Variants in PARD3 observed in about 807,000 individuals in gnomAD.
The protein encoded by PARD3 is par-3 family cell polarity regulator, also known as partitioning defective 3 homolog.
PARD3 carries 75 observed loss-of-function variants against 155.4 expected under a neutral mutation model. The ratio of observed to expected loss-of-function variants is 0.48; its 90% CI spans 0.40 to 0.58. The LOEUF (loss-of-function observed/expected upper bound fraction) is 0.58, where lower values mean the gene tolerates loss of function less well. Ranked by LOEUF, PARD3 falls within the 20% of genes least tolerant of loss-of-function variation. PARD3 has a pLI of 0.00. For missense variants in PARD3, 1,642 were observed against 1,721.7 expected (o/e 0.95, Z 0.82); for synonymous variants, 576 against 610.5 (o/e 0.94, Z 0.83).
intron 2 of PARD3, among the ~76,000 whole-genome samples, chr10:34,618,059 T>C (rs906865202): frequency 2.0e-5 from 3 of 152,192 alleles, no homozygotes; most frequent in African/African-American, 7.2e-5. Context: ...GTCAAAACTA[T>C]GACCTTTCTA....
At chr10:34,463,969 C>G (rs1231833805) in intron 4 of PARD3, among the ~76,000 whole-genome samples, 1 of 152,178 alleles carries the variant, frequency 6.6e-6, no homozygotes, top group African/African-American at 2.4e-5. Context: ...TGTAAGTGCA[C>G]TCTATGATGT....
rs184837291 is a variant in PARD3, at chr10:34,791,212, G to A, written c.120+23664C>T. Among the ~76,000 whole-genome samples the A allele has an allele frequency of 5.9e-5, 9 of 152,244 alleles. No homozygotes were observed. In the East Asian group the frequency reaches 1.2e-3, roughly 20 times the overall value. The stretch of plus-strand genomic sequence containing the variant: ...GTGAGAAGCACTGACGCTTGTACCC[G>A]TCACCAACGAGCAGCAGCTACATAG... On this transcript the variant is annotated intron_variant, in intron 1 of 24. Coordinates refer to ENST00000374788, the MANE Select transcript of PARD3 (RefSeq NM_001184785.2).
At chr10:34,529,608 C>A (rs866956378) in intron 2 of PARD3, among the ~76,000 whole-genome samples, 2 of 152,244 alleles carry the variant, frequency 1.3e-5, no homozygotes, top group Middle Eastern at 6.8e-3. Flanking sequence ...AGCCTAGCCA[C>A]TATCATGAAA....
At chr10:34,764,369 T>C (rs966561009) in intron 1 of PARD3, among the ~76,000 whole-genome samples, 5 of 152,188 alleles carry the variant, frequency 3.3e-5, no homozygotes, top group Admixed American at 6.5e-5. Flanking sequence ...GCAATCTCCT[T>C]GAATAAAAAA....
intron 18 of PARD3, among the ~76,000 whole-genome samples, chr10:34,333,838 A>G (rs1188170671): frequency 1.3e-5 from 2 of 152,032 alleles, no homozygotes; most frequent in Non-Finnish European, 2.9e-5. Flanking sequence ...ACACTTTAGT[A>G]CTATATTTGA....
At chr10:34,233,017 A>T (rs1402777714) in intron 22 of PARD3, among the ~76,000 whole-genome samples, 8 of 96,170 alleles carry the variant, frequency 8.3e-5, no homozygotes, top group East Asian at 5.3e-4. Context: ...TCAAATGTTA[A>T]TTTTTTTTTT....
intron 2 of PARD3, among the ~76,000 whole-genome samples, chr10:34,693,074 G>T (rs188954751): frequency 6.6e-6 from 1 of 152,180 alleles, no homozygotes; most frequent in Non-Finnish European, 1.5e-5. Context: ...GAAATTCGAA[G>T]AAAAAAATTA....
At chr10:34,672,480 C>T (rs1393400155) in intron 2 of PARD3, among the ~76,000 whole-genome samples, 1 of 152,126 alleles carries the variant, frequency 6.6e-6, no homozygotes, top group African/African-American at 2.4e-5. Flanking sequence ...CAATATGTAC[C>T]GTGTTTCCTA....
intron 19 of PARD3, among the ~76,000 whole-genome samples, chr10:34,319,136 T>A (rs1426765542): frequency 1.3e-5 from 2 of 148,246 alleles, no homozygotes; most frequent in Non-Finnish European, 3.0e-5. Context: ...GTCACCAGGC[T>A]GGAGTACAGT....
At chr10:34,321,801 G>A (rs899644961) in intron 19 of PARD3, among the ~76,000 whole-genome samples, 6 of 152,100 alleles carry the variant, frequency 3.9e-5, no homozygotes, top group Non-Finnish European at 8.8e-5. Flanking sequence ...GGAAAAGATC[G>A]GGCATTTACG....
At chr10:34,680,097 A>G (rs2093783548) in intron 2 of PARD3, among the ~76,000 whole-genome samples, 1 of 152,150 alleles carries the variant, frequency 6.6e-6, no homozygotes. Context: ...AAAAATAAAA[A>G]TTTTAAAGAA....
chr10:34,143,405 A>T (rs1948299771), intron 22 of PARD3, among the ~76,000 whole-genome samples: 1 of 152,242 alleles, frequency 6.6e-6, no homozygotes, highest in Non-Finnish European at 1.5e-5. Context: ...TAAAATGATT[A>T]TCATGTTCTT....
At chr10:34,404,087 G>T (rs1445481058) in intron 5 of PARD3, among the ~76,000 whole-genome samples, 1 of 152,126 alleles carries the variant, frequency 6.6e-6, no homozygotes, top group East Asian at 1.9e-4. Context: ...GCACCAAAGA[G>T]CATGGAGAAT....
intron 22 of PARD3, among the ~76,000 whole-genome samples, chr10:34,134,165 ACT>A (rs1189627216): frequency 6.6e-6 from 1 of 152,086 alleles, no homozygotes; most frequent in African/African-American, 2.4e-5. Flanking sequence ...TCTAAAAAGC[ACT>A]CTGTTCTTTA....
At chr10:34,505,881 C>T (rs2081029494) in intron 3 of PARD3, among the ~76,000 whole-genome samples, 1 of 152,104 alleles carries the variant, frequency 6.6e-6, no homozygotes, top group Non-Finnish European at 1.5e-5. Flanking sequence ...GCTTATAATC[C>T]CAGCACTTTG....
At chr10:34,473,916 A>G (rs933566889) in intron 3 of PARD3, among the ~76,000 whole-genome samples, 2 of 152,234 alleles carry the variant, frequency 1.3e-5, no homozygotes, top group African/African-American at 4.8e-5. Flanking sequence ...GCAGTCACAG[A>G]GCTGCGACAC....
chr10:34,145,217 A>ATTTT (rs1387505653), intron 22 of PARD3, among the ~76,000 whole-genome samples: 1,941 of 57,482 alleles, frequency 0.034, 34 homozygotes, highest in Non-Finnish European at 0.05. Flanking sequence ...ATATATATAT[A>ATTTT]TATATTTTTT....
intron 1 of PARD3, among the ~76,000 whole-genome samples, chr10:34,760,253 C>T (rs1837282785): frequency 6.6e-6 from 1 of 152,104 alleles, no homozygotes; most frequent in East Asian, 1.9e-4. Flanking sequence ...AGCTCCTGGA[C>T]TCAAGTGATC....
chr10:34,408,344 A>G (rs1844709577), intron 5 of PARD3, among the ~76,000 whole-genome samples: 1 of 152,196 alleles, frequency 6.6e-6, no homozygotes, highest in Non-Finnish European at 1.5e-5. Context: ...AAAAACACTC[A>G]ACTAAATGTT....
Sources: allele counts gnomAD v4.1 joint callset (sites outside exome capture counted in the v4.1 genomes callset), GRCh38; gene constraint gnomAD v4.1.1; transcripts MANE v1.5; gene names NCBI Gene and HGNC (gene_info 2026-07-23, HGNC 2026-07-21).